Variants in FMN1 observed in about 807,000 individuals in gnomAD.
FMN1 encodes formin-1.
FMN1 carries 110 observed loss-of-function variants against 132.4 expected under a neutral mutation model. The ratio of observed to expected loss-of-function variants is 0.83; its 90% CI spans 0.71 to 0.97. The LOEUF is 0.97. Ranked by LOEUF, FMN1 falls within the 50% of genes least tolerant of loss-of-function variation. The probability of loss-of-function intolerance (pLI) is 0.00; values close to 1 mark genes in which losing one functional copy is unlikely to be tolerated. For missense variants in FMN1, 1,792 were observed against 1,705.3 expected (o/e 1.05, Z -0.90); for synonymous variants, 722 against 651.7 (o/e 1.11, Z -1.64).
intron 7 of FMN1, among the ~76,000 whole-genome samples, chr15:32,977,126 A>T (rs2032273273): frequency 6.6e-6 from 1 of 152,184 alleles, no homozygotes; most frequent in Non-Finnish European, 1.5e-5. Context: ...ACTACATTCC[A>T]CCTCTTACAA....
At chr15:33,115,885 C>CTAA (rs1174106500) in intron 4 of FMN1, among the ~76,000 whole-genome samples, 1 of 152,148 alleles carries the variant, frequency 6.6e-6, no homozygotes, top group Non-Finnish European at 1.5e-5. Context: ...TCTCCACCAC[C>CTAA]TTTACTCCAA....
Position 32,979,617 on chromosome 15 carries a change from AG to A in FMN1, c.2224-10141del, listed in dbSNP as rs1295636251. On this transcript the variant is annotated intron_variant, in intron 7 of 20. Transcript: ENST00000616417. Reference sequence around the variant, plus strand: ...ACTTTCAGAAGCTCACATTCTAGGTAGAAACAGTAATATATTTGTAAGTTAT... The same window carrying A: ...ACTTTCAGAAGCTCACATTCTAGGTAAAACAGTAATATATTTGTAAGTTAT... Among the ~76,000 whole-genome samples the A allele has an allele frequency of 3.3e-5, 5 of 151,784 alleles. No individual in the cohort carries two copies. In the South Asian group the frequency reaches 6.2e-4, roughly 19 times the overall value.
chr15:33,169,905 A>G (rs1965254566), intron 3 of FMN1, among the ~76,000 whole-genome samples: 1 of 152,044 alleles, frequency 6.6e-6, no homozygotes, highest in African/African-American at 2.4e-5. Context: ...TACTTGCATA[A>G]CAAATCACTT....
chr15:33,059,740 A>T (rs553451056), intron 6 of FMN1, among the ~76,000 whole-genome samples: 1 of 152,362 alleles, frequency 6.6e-6, no homozygotes, highest in African/African-American at 2.4e-5. Context: ...CTGTAAAATG[A>T]GTAAGTTAAA....
intron 17 of FMN1, among the ~76,000 whole-genome samples, chr15:32,837,898 C>T (rs889535704): frequency 2.0e-5 from 3 of 152,118 alleles, no homozygotes; most frequent in Non-Finnish European, 4.4e-5. Flanking sequence ...CATCCTAGGG[C>T]AAAATGGGAG....
At chr15:33,172,621 C>T (rs527431157) in intron 3 of FMN1, among the ~76,000 whole-genome samples, 2 of 152,136 alleles carry the variant, frequency 1.3e-5, no homozygotes, top group South Asian at 2.1e-4. Flanking sequence ...CCTTTAACCC[C>T]GGCAATGTAA....
intron 9 of FMN1, among the ~76,000 whole-genome samples, chr15:32,943,889 T>C (rs559102363): frequency 6.6e-5 from 10 of 152,238 alleles, no homozygotes; most frequent in Middle Eastern, 3.4e-3. Flanking sequence ...TGGAAAGAAA[T>C]TCCAAGAAGT....
In FMN1 at chr15:33,075,020, CAAAAAAAAAAAA is replaced by C. The variant is rs57504432; in HGVS notation, c.2044-9958_2044-9947del. ...TGGGCAACTGAGCAAGATTCCATCT[CAAAAAAAAAAAA>C]AAAAAAAAAAAAAAAGAACAGACCT... On this transcript the variant is annotated intron_variant, in intron 5 of 20. Coordinates refer to ENST00000616417, the MANE Select transcript of FMN1 (RefSeq NM_001277313.2). 6.5e-3 allele frequency among the ~76,000 whole-genome samples: 403 copies of C among 61,696 alleles called. 6 individuals carry two copies. Among genetic ancestry groups the C allele is most frequent in the African/African-American group, 0.031 (370 of 11,900 alleles). 40.5% of individuals were successfully genotyped at this position (61,696 alleles called of 152,430 possible).
chr15:32,920,380 C>T (rs1451169516), intron 10 of FMN1, among the ~76,000 whole-genome samples: 1 of 152,182 alleles, frequency 6.6e-6, no homozygotes, highest in East Asian at 1.9e-4. Flanking sequence ...GTATTATGGT[C>T]ACCCTCCTGA....
At chr15:33,151,141 A>C (rs1264182926) in intron 4 of FMN1, 3 of 1,441,770 alleles carry the variant, frequency 2.1e-6, no homozygotes, top group Non-Finnish European at 2.7e-6. Context: ...AATCAAAGGT[A>C]CTATCTGGGG....
intron 9 of FMN1, among the ~76,000 whole-genome samples, chr15:32,937,562 C>G (rs770966542): frequency 1.2e-4 from 19 of 152,220 alleles, no homozygotes; most frequent in Non-Finnish European, 2.5e-4. Flanking sequence ...ATTACCTCCC[C>G]CTTTCCCACT....
At chr15:33,048,177 T>G (rs753715308) in intron 6 of FMN1, among the ~76,000 whole-genome samples, 17 of 152,324 alleles carry the variant, frequency 1.1e-4, no homozygotes, top group Non-Finnish European at 1.9e-4. Flanking sequence ...ATTAGGTTTG[T>G]TAAATGCTTT....
chr15:33,157,038 T>C (rs112021021), intron 3 of FMN1, among the ~76,000 whole-genome samples: 7,184 of 151,904 alleles, frequency 0.047, 602 homozygotes, highest in African/African-American at 0.17. Flanking sequence ...GAGGCCGAGG[T>C]GGGCAGATCA....
intron 6 of FMN1, among the ~76,000 whole-genome samples, chr15:33,024,791 A>C (rs2035590071): frequency 6.6e-6 from 1 of 152,242 alleles, no homozygotes; most frequent in South Asian, 2.1e-4. Flanking sequence ...ATTGTTTCTA[A>C]CAGTGAAAAA....
chr15:33,106,934 T>C (rs973031055), intron 4 of FMN1, among the ~76,000 whole-genome samples: 6 of 152,096 alleles, frequency 3.9e-5, no homozygotes, highest in Non-Finnish European at 8.8e-5. Context: ...TTAAATATCA[T>C]CTCAGCTCTA....
intron 6 of FMN1, chr15:33,063,904 T>C (rs930930696): frequency 2.0e-5 from 3 of 152,188 alleles, no homozygotes; most frequent in Non-Finnish European, 4.4e-5. Flanking sequence ...AAAGAAGACT[T>C]AAATTGCTAT....
chr15:33,019,848 G>A lies in FMN1; in HGVS notation c.2162-11773C>T, dbSNP rs931407992. On this transcript the variant is annotated intron_variant, in intron 6 of 20. Coordinates refer to ENST00000616417, the MANE Select transcript of FMN1 (RefSeq NM_001277313.2). ...CCGCGTGCAGCCCTGGTTCCCGTCC[G>A]TGCCTCTCCCTCCACACCTCCCCGC... Among the ~76,000 whole-genome samples the A allele has an allele frequency of 3.9e-5, 6 of 152,136 alleles. No individual in the cohort carries two copies. In the East Asian group the frequency reaches 7.7e-4, roughly 20 times the overall value.
At chr15:32,843,419 A>C (rs2058788863) in intron 17 of FMN1, among the ~76,000 whole-genome samples, 1 of 152,248 alleles carries the variant, frequency 6.6e-6, no homozygotes, top group African/African-American at 2.4e-5. Flanking sequence ...AGGAAGCTTA[A>C]GTTAAAGAAA....
chr15:33,064,941 C>G lies in FMN1; in HGVS notation c.2161+16G>C, dbSNP rs2037652231. 1 of 1,576,182 alleles carries G rather than the reference C, an allele frequency of 6.3e-7. No individual in the cohort carries two copies. Among genetic ancestry groups the G allele is most frequent in the African/African-American group, 1.4e-5 (1 of 73,988 alleles). The stretch of plus-strand genomic sequence containing the variant: ...AAGAGATTCATTCCCGGGTCCCTAG[C>G]TTCCTTTCACATTACCTGCTTCAGT... On this transcript the variant is annotated intron_variant, in intron 6 of 20. Transcript: ENST00000616417.
Sources: gnomAD v4.1 joint callset for allele counts (sites outside exome capture counted in the v4.1 genomes callset) on GRCh38, gnomAD v4.1.1 for gene constraint, MANE v1.5 for transcripts, NCBI Gene and HGNC (gene_info 2026-07-23, HGNC 2026-07-21) for gene names.